The following GALNT13 variants were observed in gnomAD, a reference collection of about 807,000 sequenced individuals.
GALNT13 encodes polypeptide N-acetylgalactosaminyltransferase 13.
A neutral mutation model predicts 64.2 loss-of-function variants in GALNT13; 28 were observed. The observed-to-expected ratio is 0.44, with a 90% confidence interval of 0.32 to 0.60. The LOEUF (loss-of-function observed/expected upper bound fraction) is 0.60, where lower values mean the gene tolerates loss of function less well. GALNT13 is among the 20% of genes least tolerant of loss of function. The probability of loss-of-function intolerance (pLI) is 0.05; values close to 1 mark genes in which losing one functional copy is unlikely to be tolerated. For synonymous variants in GALNT13, 214 were observed against 224.6 expected, an observed-to-expected ratio of 0.95 and a Z score of 0.42; for missense variants, 577 against 669.8, an observed-to-expected ratio of 0.86 and a Z score of 1.53.
the GALNT13 span, among the ~76,000 whole-genome samples, chr2:153,827,855 A>AG: frequency 2.0e-5 from 3 of 152,238 alleles, no homozygotes; most frequent in Non-Finnish European, 4.4e-5. Context: ...TAAAATCAAA[A>AG]GCAAGTTAGT....
At chr2:153,674,515 T>C in the GALNT13 span, among the ~76,000 whole-genome samples, 25 of 152,278 alleles carry the variant, frequency 1.6e-4, no homozygotes, top group African/African-American at 6.0e-4. Context: ...ATTCTGAAAT[T>C]GGATGCCTTC....
the GALNT13 span, among the ~76,000 whole-genome samples, chr2:153,434,187 C>T: frequency 6.6e-6 from 1 of 152,164 alleles, no homozygotes; most frequent in Non-Finnish European, 1.5e-5. Flanking sequence ...GCATAGTATT[C>T]CATGGTGTAT....
intron 4 of GALNT13, among the ~76,000 whole-genome samples, chr2:154,176,697 A>G (rs1464239044): frequency 6.6e-6 from 1 of 152,190 alleles, no homozygotes; most frequent in African/African-American, 2.4e-5. Flanking sequence ...GAGGAAAACC[A>G]TGATTAAGAT....
At chr2:154,405,938 CAG>C (rs1699517592) in intron 10 of GALNT13, among the ~76,000 whole-genome samples, 2 of 152,050 alleles carry the variant, frequency 1.3e-5, no homozygotes. Flanking sequence ...AGATTGTCAT[CAG>C]AGTTTTCAAA....
At chr2:153,073,967 A>G in the GALNT13 span, among the ~76,000 whole-genome samples, 1 of 152,136 alleles carries the variant, frequency 6.6e-6, no homozygotes, top group Non-Finnish European at 1.5e-5. Context: ...GTCATTTACC[A>G]TATTTCCTTA....
At chr2:153,135,345 A>G in the GALNT13 span, among the ~76,000 whole-genome samples, 1 of 152,158 alleles carries the variant, frequency 6.6e-6, no homozygotes, top group Non-Finnish European at 1.5e-5. Flanking sequence ...TTCAGTCCAT[A>G]GCACTTATTC....
the GALNT13 span, among the ~76,000 whole-genome samples, chr2:153,850,435 G>A: frequency 4.6e-5 from 7 of 152,128 alleles, no homozygotes; most frequent in Non-Finnish European, 7.4e-5. Flanking sequence ...CAAATTAACC[G>A]TGTCTCAGAA....
chr2:153,223,979 AAAAT>A, the GALNT13 span, among the ~76,000 whole-genome samples: 7 of 152,190 alleles, frequency 4.6e-5, no homozygotes, highest in African/African-American at 1.2e-4. Context: ...CAAAAAAATA[AAAAT>A]AAATAAATAA....
the GALNT13 span, among the ~76,000 whole-genome samples, chr2:153,516,034 C>A: frequency 6.6e-6 from 1 of 152,070 alleles, no homozygotes; most frequent in Admixed American, 6.6e-5. Context: ...ACCGTAGGGG[C>A]AACTGTAAGA....
At chr2:153,511,265 A>G in the GALNT13 span, among the ~76,000 whole-genome samples, 1 of 151,230 alleles carries the variant, frequency 6.6e-6, no homozygotes, top group Non-Finnish European at 1.5e-5. Flanking sequence ...ATGTGGTGGA[A>G]GAGTTGGGGT....
At chr2:154,270,193 A>T (rs1465949046) in intron 8 of GALNT13, among the ~76,000 whole-genome samples, 1 of 151,668 alleles carries the variant, frequency 6.6e-6, no homozygotes, top group Non-Finnish European at 1.5e-5. Context: ...TAATTTCAAT[A>T]ACTACATTCC....
chr2:153,336,042 T>G, the GALNT13 span, among the ~76,000 whole-genome samples: 1 of 152,182 alleles, frequency 6.6e-6, no homozygotes, highest in Non-Finnish European at 1.5e-5. Context: ...AGCCTGCAGA[T>G]GGACAGACAT....
At chr2:153,402,745 C>G in the GALNT13 span, among the ~76,000 whole-genome samples, 5 of 152,282 alleles carry the variant, frequency 3.3e-5, no homozygotes, top group East Asian at 9.6e-4. Flanking sequence ...CTGCATTCTT[C>G]ACGTAGTTCT....
chr2:153,645,276 C>A, the GALNT13 span, among the ~76,000 whole-genome samples: 14,717 of 152,082 alleles, frequency 0.097, 1,234 homozygotes, highest in East Asian at 0.27. Flanking sequence ...AATTTAACGA[C>A]CTTTTAAATG....
Position 153,872,126 on chromosome 2 carries a change from G to C in GALNT13, c.-354G>C, listed in dbSNP as rs1302699954. On this transcript the variant is annotated 5_prime_UTR_variant, in exon 1 of 13. Transcript: ENST00000392825. The stretch of plus-strand genomic sequence containing the variant: ...CGGGCAAGTGTGAAGAGAGAGGCGC[G>C]GGCGGGAGCCGGGGCTGCGCGCGGC... 1 of 151,660 alleles carries C rather than the reference G, an allele frequency of 6.6e-6. No homozygotes were observed. The highest frequency in any genetic ancestry group is 1.5e-5 in the Non-Finnish European group (1 of 67,964). 9.4% of individuals were successfully genotyped at this position (151,660 alleles called of 1,614,324 possible).
At chr2:153,551,548 A>C in the GALNT13 span, among the ~76,000 whole-genome samples, 1 of 152,234 alleles carries the variant, frequency 6.6e-6, no homozygotes, top group Non-Finnish European at 1.5e-5. Flanking sequence ...CAATGGTGAT[A>C]GTAGAAAAGA....
intron 3 of GALNT13, among the ~76,000 whole-genome samples, chr2:154,101,388 G>A (rs1467237116): frequency 2.0e-5 from 3 of 151,726 alleles, no homozygotes; most frequent in Non-Finnish European, 4.4e-5. Flanking sequence ...TAGGAAGGCG[G>A]TATGTTTATA....
At chr2:154,398,309 A>G (rs192819007) in intron 10 of GALNT13, among the ~76,000 whole-genome samples, 1 of 152,320 alleles carries the variant, frequency 6.6e-6, no homozygotes, top group Non-Finnish European at 1.5e-5. Flanking sequence ...ACTTTTGGAA[A>G]TCCTCTGGGG....
intron 4 of GALNT13, among the ~76,000 whole-genome samples, chr2:154,229,973 G>A (rs1371353999): frequency 6.6e-6 from 1 of 152,008 alleles, no homozygotes; most frequent in African/African-American, 2.4e-5. Context: ...ATATTTTGAG[G>A]ATCAAGAATA....
Sources: gnomAD v4.1 joint callset for allele counts (sites outside exome capture counted in the v4.1 genomes callset) on GRCh38, gnomAD v4.1.1 for gene constraint, MANE v1.5 for transcripts, NCBI Gene and HGNC (gene_info 2026-07-23, HGNC 2026-07-21) for gene names.